Variants in RYR3 observed in about 807,000 individuals in gnomAD.
The protein encoded by RYR3 is brain ryanodine receptor-calcium release channel.
In RYR3, 207 loss-of-function variants were observed where a neutral mutation model predicts 584.3. The observed-to-expected ratio is 0.35, with a 90% confidence interval of 0.32 to 0.40. RYR3 has a LOEUF of 0.40. Among genes scored for constraint, RYR3 ranks in the 10% least tolerant of loss-of-function variants. RYR3 has a pLI of 1.00. For synonymous variants in RYR3, 2,416 were observed against 2,248.5 expected, an observed-to-expected ratio of 1.07 and a Z score of -2.11; for missense variants, 5,616 against 6,089.2, an observed-to-expected ratio of 0.92 and a Z score of 2.59.
At chr15:33,578,650 T>A (rs1285004702) in intron 12 of RYR3, among the ~76,000 whole-genome samples, 2 of 151,972 alleles carry the variant, frequency 1.3e-5, no homozygotes, top group Non-Finnish European at 2.9e-5. Context: ...GAAAAATAGC[T>A]AATGCATGCC....
At chr15:33,530,185 T>C (rs1309615234) in intron 3 of RYR3, among the ~76,000 whole-genome samples, 1 of 152,246 alleles carries the variant, frequency 6.6e-6, no homozygotes, top group African/African-American at 2.4e-5. Flanking sequence ...AATGTGACCA[T>C]GTGCCGCCTG....
chr15:33,794,189 ATATATAT>A (rs1433852148), intron 67 of RYR3, among the ~76,000 whole-genome samples: 2,167 of 31,860 alleles, frequency 0.068, 37 homozygotes, highest in South Asian at 0.35. Flanking sequence ...TTATATATAA[ATATATAT>A]TATACACAAA....
intron 12 of RYR3, among the ~76,000 whole-genome samples, chr15:33,576,960 C>G (rs1219122428): frequency 6.6e-6 from 1 of 152,096 alleles, no homozygotes; most frequent in Non-Finnish European, 1.5e-5. Flanking sequence ...ACAAGCATTC[C>G]TAAACACCAA....
At chr15:33,704,358 G>A (rs2066532287) in intron 42 of RYR3, among the ~76,000 whole-genome samples, 1 of 151,974 alleles carries the variant, frequency 6.6e-6, no homozygotes, top group Non-Finnish European at 1.5e-5. Flanking sequence ...ACTTTAATAA[G>A]CAATCCCAGC....
At position 33,662,922 on chromosome 15, in the gene RYR3, C is replaced by G. The variant is rs1260393474; in HGVS notation, c.5392C>G (p.Arg1798Gly). The G allele has an allele frequency of 2.5e-6, 4 of 1,612,738 alleles. No individual in the cohort carries two copies. The highest frequency in any genetic ancestry group is 2.5e-6 in the Non-Finnish European group (3 of 1,179,622). The change falls in exon 35 of 104, where the codon CGA becomes GGA. Residue 1798 changes from arginine (R) to glycine (G), a missense_variant. Around this residue, in one of 9 missense-constraint regions of RYR3, gnomAD observed 753 missense variants for 741.0 expected, o/e 1.02. Transcript: ENST00000634891. ...EAPVKGLLQT[R>G]LPESVKLQMC... The stretch of plus-strand genomic sequence containing the variant: ...TCCTGTCAAAGGCTTGTTGCAGACT[C>G]GATTACCCGAATCCGTCAAGCTGCA...
chr15:33,488,194 T>C (rs953393478), intron 2 of RYR3, among the ~76,000 whole-genome samples: 1 of 152,192 alleles, frequency 6.6e-6, no homozygotes, highest in Admixed American at 6.5e-5. Context: ...TGTACCTTAG[T>C]GGTGGGAATC....
rs2057737866 is a variant in RYR3, at chr15:33,566,743, G to A, written c.1212G>A (p.Glu404=). The A allele has an allele frequency of 6.2e-7, 1 of 1,613,734 alleles. No homozygotes were observed. The highest frequency in any genetic ancestry group is 8.5e-7 in the Non-Finnish European group (1 of 1,179,684). ...CACTGCAGAGATGCCAGCGTGAGGA[G>A]TCCCAGGCTGCTCGGATCATCCGGA... The part of the protein sequence containing the change: ...GLTLQRCQRE[E]SQAARIIRNT... The change falls in exon 12 of 104, where the codon GAG becomes GAA. Residue 404 remains glutamate (E), a synonymous_variant. Transcript: ENST00000634891.
At chr15:33,422,117 A>G (rs2044281432) in intron 1 of RYR3, among the ~76,000 whole-genome samples, 1 of 152,184 alleles carries the variant, frequency 6.6e-6, no homozygotes, top group Non-Finnish European at 1.5e-5. Context: ...TTGCCTTCTC[A>G]GAACTTCCTC....
chr15:33,631,288 CA>C lies in RYR3; in HGVS notation c.2867del (p.Asn956ThrfsTer3). 1.9e-6 allele frequency: 3 copies of C among 1,574,086 alleles called. No homozygotes were observed. The highest frequency in any genetic ancestry group is 2.6e-6 in the Non-Finnish European group (3 of 1,157,860). On this transcript the variant is annotated frameshift_variant, in exon 23 of 104. Transcript: ENST00000634891. LOFTEE classifies it high-confidence loss of function. ...AGGATCTCAAGAAGGTCAAACTGCC[CA>C]AAAAGTAGGTGATTTTTTTTTTAAT... ...EEDLKKVKLP[K>X]NYMMSNGYKP... is the part of the protein sequence containing the mutation.
chr15:33,568,648 C>A (rs537977213), intron 12 of RYR3, among the ~76,000 whole-genome samples: 1 of 152,236 alleles, frequency 6.6e-6, no homozygotes, highest in Admixed American at 6.5e-5. Flanking sequence ...CCAGGCTGGT[C>A]TCAAATTGCT....
intron 65 of RYR3, among the ~76,000 whole-genome samples, chr15:33,783,484 A>G (rs924385257): frequency 5.3e-5 from 8 of 152,226 alleles, no homozygotes; most frequent in Non-Finnish European, 8.8e-5. Flanking sequence ...TCAAGGGCCA[A>G]TTACGTATAA....
At position 33,772,103 on chromosome 15, in the gene RYR3, C is replaced by G; in HGVS notation, c.9000C>G (p.Ile3000Met). 2 of 1,613,758 alleles carry G rather than the reference C, an allele frequency of 1.2e-6. No individual in the cohort carries two copies. Among genetic ancestry groups the G allele is most frequent in the Non-Finnish European group, 1.7e-6 (2 of 1,179,812 alleles). Residue 3000 changes from isoleucine to methionine, a missense_variant, in exon 63 of 104, where the codon ATC becomes ATG. Transcript: ENST00000634891. ...ACACTACAGTGGCTCTGCTCCCCAT[C>G]CTGACGTCCATCTTTGAGCACGTCA... ...INYTTVALLP[I>M]LTSIFEHVTQ...
intron 27 of RYR3, among the ~76,000 whole-genome samples, chr15:33,637,096 T>C (rs1463856440): frequency 6.6e-6 from 1 of 152,174 alleles, no homozygotes; most frequent in East Asian, 1.9e-4. Flanking sequence ...TTAATGTCCA[T>C]GAATAGACCA....
intron 43 of RYR3, 165 bp from the exon 44 acceptor site, chr15:33,722,550 T>C (rs2068017323): frequency 1.5e-6 from 1 of 651,652 alleles, no homozygotes; most frequent in Admixed American, 3.0e-5. Context: ...CAGTTACAGA[T>C]GTCTTAGTTC....
chr15:33,701,579 T>A (rs1286661902), intron 42 of RYR3, among the ~76,000 whole-genome samples: 1 of 151,976 alleles, frequency 6.6e-6, no homozygotes, highest in Non-Finnish European at 1.5e-5. Context: ...CTTTAAATGA[T>A]GTCCTTGACC....
rs547551823 is a variant in RYR3, at chr15:33,732,452, C to A, written c.7424+758C>A. On this transcript the variant is annotated intron_variant, in intron 48 of 103. Coordinates refer to ENST00000634891, the MANE Select transcript of RYR3 (RefSeq NM_001036.6). The stretch of plus-strand genomic sequence containing the variant: ...GACCAGCAACAAATGAAAGAAAAAA[C>A]CTCCAGTCACAGTGGGGAATTAAAG... Among the ~76,000 whole-genome samples, 6 of 150,934 alleles carry A rather than the reference C, an allele frequency of 4.0e-5. No individual in the cohort carries two copies. The South Asian group carries it at 1.3e-3, about 32-fold the overall frequency.
intron 1 of RYR3, among the ~76,000 whole-genome samples, chr15:33,468,423 CAAT>C (rs1339605411): frequency 6.6e-6 from 1 of 152,088 alleles, no homozygotes; most frequent in African/African-American, 2.4e-5. Context: ...ATATCATTAT[CAAT>C]AATAATAATT....
At chr15:33,657,029 G>A (rs1382024981) in intron 32 of RYR3, among the ~76,000 whole-genome samples, 1 of 152,064 alleles carries the variant, frequency 6.6e-6, no homozygotes, top group Non-Finnish European at 1.5e-5. Flanking sequence ...GGTCCCAGAG[G>A]GCCTTCTCGA....
At chr15:33,419,825 C>T (rs143209681) in intron 1 of RYR3, among the ~76,000 whole-genome samples, 119 of 152,234 alleles carry the variant, frequency 7.8e-4, no homozygotes, top group African/African-American at 2.5e-3. Flanking sequence ...TCAGTGAGGG[C>T]GCTGGTGTTG....
Sources: gnomAD v4.1 joint callset for allele counts (sites outside exome capture counted in the v4.1 genomes callset) on GRCh38, gnomAD v4.1.1 for gene constraint, gnomAD v4.1.1 regional missense constraint, MANE v1.5 for transcripts, NCBI Gene and HGNC (gene_info 2026-07-23, HGNC 2026-07-21) for gene names.